Variants in CYBRD1 observed in about 807,000 individuals in gnomAD.
CYBRD1 encodes the protein cytochrome b reductase 1, also known as plasma membrane ascorbate-dependent reductase CYBRD1.
Under a neutral mutation model 21.9 loss-of-function variants are expected in CYBRD1, and 14 were observed. That is an observed-to-expected ratio of 0.64 (90% CI 0.42 to 1.00). CYBRD1 has a LOEUF of 1.00. Ranked by LOEUF, CYBRD1 falls within the 50% of genes least tolerant of loss-of-function variation. The pLI, the probability that CYBRD1 is intolerant of heterozygous loss-of-function variation, is 0.00. For missense variants in CYBRD1, 328 were observed against 352.5 expected (o/e 0.93, Z 0.56); for synonymous variants, 146 against 136.5 (o/e 1.07, Z -0.48).
chr2:171,544,674 T>A (rs1365862729), intron 2 of CYBRD1, among the ~76,000 whole-genome samples: 1 of 152,246 alleles, frequency 6.6e-6, no homozygotes, highest in Non-Finnish European at 1.5e-5. Context: ...CATCACCATT[T>A]ATTGAATCAT....
intron 1 of CYBRD1, among the ~76,000 whole-genome samples, chr2:171,533,770 C>CTT (rs10707105): frequency 2.3e-5 from 3 of 130,700 alleles, no homozygotes; most frequent in Non-Finnish European, 3.2e-5. Context: ...TTCTTTCTTT[C>CTT]TTTTTTTTTT....
At chr2:171,543,453 C>T (rs1008141044) in intron 2 of CYBRD1, among the ~76,000 whole-genome samples, 2 of 152,152 alleles carry the variant, frequency 1.3e-5, no homozygotes, top group Non-Finnish European at 2.9e-5. Flanking sequence ...GGCTTGGAAA[C>T]TCTCTGACTT....
chr2:171,535,759 C>A (rs1421525751), intron 1 of CYBRD1, among the ~76,000 whole-genome samples: 5 of 152,062 alleles, frequency 3.3e-5, no homozygotes, highest in Admixed American at 3.3e-4. Context: ...CTGCCTCAGC[C>A]TGCTGAGTAG....
rs555147398 is a variant in CYBRD1, at chr2:171,544,093, A to G, written c.402+2300A>G. Among the ~76,000 whole-genome samples the G allele has an allele frequency of 1.3e-4, 20 of 152,318 alleles. No individual in the cohort carries two copies. In the South Asian group the frequency reaches 3.9e-3, roughly 30 times the overall value. ...AGCTTGCACCCTCTTTAAACTTTAA[A>G]TCCTTGCTAAACTAGTTGGTACTTA... On this transcript the variant is annotated intron_variant, in intron 2 of 3. Coordinates refer to ENST00000321348, the MANE Select transcript of CYBRD1 (RefSeq NM_024843.4).
chr2:171,547,914 A>G (rs551287673), intron 2 of CYBRD1, among the ~76,000 whole-genome samples: 2 of 152,192 alleles, frequency 1.3e-5, no homozygotes, highest in Middle Eastern at 6.8e-3. Flanking sequence ...GGTTTACTCC[A>G]GTATTACCTA....
Position 171,545,125 on chromosome 2 carries a change from C to T in CYBRD1, c.402+3332C>T, listed in dbSNP as rs149213318. On this transcript the variant is annotated intron_variant, in intron 2 of 3. Coordinates refer to ENST00000321348, the MANE Select transcript of CYBRD1 (RefSeq NM_024843.4). ...CTGAACTCCAGCCTGGGTGACACAGCAAGACCCTGTCTCAAAAAAAAAAAA... is the reference window on the plus strand; with the variant it reads ...CTGAACTCCAGCCTGGGTGACACAGTAAGACCCTGTCTCAAAAAAAAAAAA... Among the ~76,000 whole-genome samples the T allele has an allele frequency of 5.3e-3, 693 of 130,846 alleles. 13 individuals carry two copies. Among genetic ancestry groups the T allele is most frequent in the African/African-American group, 0.018 (610 of 34,236 alleles). The allele number at this position is 130,846 out of a possible 152,430, so 85.8% of individuals were successfully genotyped here.
chr2:171,528,602 A>G (rs1697418422), intron 1 of CYBRD1, among the ~76,000 whole-genome samples: 1 of 152,120 alleles, frequency 6.6e-6, no homozygotes. Flanking sequence ...TTGGTGGTCA[A>G]TCTTATCCAG....
rs201567354 is a variant in CYBRD1 at position 171,554,505 on chromosome 2, T to G, written c.558-19T>G. Reference sequence around the variant, plus strand: ...CTGTATCATCCTGTTTGTAATTGGATACATCTCTTATTTCATAGGAGAGAT... The same window carrying G: ...CTGTATCATCCTGTTTGTAATTGGAGACATCTCTTATTTCATAGGAGAGAT... On this transcript the variant is annotated intron_variant, in intron 3 of 3. Coordinates refer to ENST00000321348, the MANE Select transcript of CYBRD1 (RefSeq NM_024843.4). 9.9e-6 allele frequency: 16 copies of G among 1,612,618 alleles called. No homozygotes were observed. In the East Asian group the frequency reaches 3.3e-4, roughly 34 times the overall value.
chr2:171,552,790 A>G (rs1285202821), intron 2 of CYBRD1, among the ~76,000 whole-genome samples: 1 of 152,220 alleles, frequency 6.6e-6, no homozygotes, highest in African/African-American at 2.4e-5. Context: ...CTTTCTCATA[A>G]AACAAAAATC....
intron 1 of CYBRD1, among the ~76,000 whole-genome samples, chr2:171,524,909 T>C (rs1363459804): frequency 6.6e-6 from 1 of 152,228 alleles, no homozygotes; most frequent in Non-Finnish European, 1.5e-5. Flanking sequence ...TTGGCAATTT[T>C]CATCTGCTGC....
At chr2:171,538,444 G>A (rs1343471783) in intron 1 of CYBRD1, among the ~76,000 whole-genome samples, 1 of 152,062 alleles carries the variant, frequency 6.6e-6, no homozygotes, top group African/African-American at 2.4e-5. Context: ...TACTTTTTAA[G>A]GTATTGCATT....
At position 171,532,875 on chromosome 2, in the gene CYBRD1, A is replaced by ATGTGTGTGTGTG. The variant is rs10618404; in HGVS notation, c.194-8684_194-8673dup. Among the ~76,000 whole-genome samples the ATGTGTGTGTGTG allele has an allele frequency of 2.4e-3, 351 of 147,402 alleles. 1 individual carries two copies. Among genetic ancestry groups the ATGTGTGTGTGTG allele is most frequent in the Non-Finnish European group, 3.3e-3 (218 of 66,698 alleles). ...ATTAGCTTGATTTAACCATTTCACG[A>ATGTGTGTGTGTG]TGTGTGTGTGTGTGTGTGTGTGTGT... On this transcript the variant is annotated intron_variant, in intron 1 of 3. Transcript: ENST00000321348.
intron 2 of CYBRD1, among the ~76,000 whole-genome samples, chr2:171,543,313 G>A (rs756185389): frequency 6.6e-6 from 1 of 152,176 alleles, no homozygotes; most frequent in Non-Finnish European, 1.5e-5. Context: ...GTCCTTGTAT[G>A]TGCAGGACTG....
chr2:171,525,455 C>T (rs1697370619), intron 1 of CYBRD1, among the ~76,000 whole-genome samples: 1 of 152,186 alleles, frequency 6.6e-6, no homozygotes, highest in African/African-American at 2.4e-5. Context: ...CCACATTCCT[C>T]ACCCTAAGTA....
intron 1 of CYBRD1, among the ~76,000 whole-genome samples, chr2:171,534,174 A>G (rs1697513741): frequency 6.6e-6 from 1 of 152,202 alleles, no homozygotes; most frequent in African/African-American, 2.4e-5. Context: ...AAGGATTTAA[A>G]GTGTATTTCT....
chr2:171,522,541 C>A lies in CYBRD1; in HGVS notation c.-5C>A. ...GGCCCCCGCGGTGCGGAGTATGGGG[C>A]GCTGATGGCCATGGAGGGCTACTGG... On this transcript the variant is annotated 5_prime_UTR_variant, in exon 1 of 4. Coordinates refer to ENST00000321348, the MANE Select transcript of CYBRD1 (RefSeq NM_024843.4). This position sits in a 1 kb window ranked among gnomAD's most constrained non-coding sequence, Gnocchi z 4.3. The A allele has an allele frequency of 1.3e-6, 2 of 1,593,394 alleles. No individual in the cohort carries two copies. The highest frequency in any genetic ancestry group is 1.7e-6 in the Non-Finnish European group (2 of 1,171,238).
chr2:171,524,175 T>TGGTGTGAGATCGGCATCAG (rs11274272), intron 1 of CYBRD1, among the ~76,000 whole-genome samples: 1 of 84,632 alleles, frequency 1.2e-5, no homozygotes, highest in Non-Finnish European at 2.8e-5. Flanking sequence ...AAGGCTTCCC[T>TGGTGTGAGATCGGCATCAG]GGTGTGAGAT....
At chr2:171,543,912 A>T (rs1270725574) in intron 2 of CYBRD1, among the ~76,000 whole-genome samples, 1 of 152,184 alleles carries the variant, frequency 6.6e-6, no homozygotes, top group Non-Finnish European at 1.5e-5. Flanking sequence ...ATTCATATAT[A>T]CATCTCCTGG....
chr2:171,525,819 G>T (rs1334719526), intron 1 of CYBRD1, among the ~76,000 whole-genome samples: 1 of 151,828 alleles, frequency 6.6e-6, no homozygotes, highest in Non-Finnish European at 1.5e-5. Context: ...TAGGCTCTGG[G>T]CCGGCACAGT....
Sources: gnomAD v4.1 joint callset for allele counts (sites outside exome capture counted in the v4.1 genomes callset) on GRCh38, gnomAD v4.1.1 for gene constraint, Gnocchi (gnomAD v3.1) non-coding constraint, MANE v1.5 for transcripts, NCBI Gene and HGNC (gene_info 2026-07-23, HGNC 2026-07-21) for gene names.